The following POLR3B variants were observed in gnomAD, a reference collection of about 807,000 sequenced individuals.
POLR3B encodes RNA polymerase III subunit B, also known as DNA-directed RNA polymerase III subunit RPC2.
A neutral mutation model predicts 147.4 loss-of-function variants in POLR3B; 96 were observed. The ratio of observed to expected loss-of-function variants is 0.65; its 90% CI spans 0.55 to 0.77. The LOEUF (loss-of-function observed/expected upper bound fraction) is 0.77. POLR3B is among the 30% of genes least tolerant of loss of function. The pLI is 0.00. For synonymous variants in POLR3B, 461 were observed against 485.9 expected (o/e 0.95, Z 0.67); for missense variants, 1,036 against 1,413.5 (o/e 0.73, Z 4.28).
intron 10 of POLR3B, among the ~76,000 whole-genome samples, chr12:106,396,553 G>C (rs2036982758): frequency 6.6e-6 from 1 of 152,126 alleles, no homozygotes; most frequent in African/African-American, 2.4e-5. Context: ...CATGTAAATA[G>C]ATCATTAAAA....
At chr12:106,454,365 T>C (rs1046365612) in intron 19 of POLR3B, 137 bp from the exon 20 acceptor site, 4 of 649,022 alleles carry the variant, frequency 6.2e-6, no homozygotes, top group Middle Eastern at 8.2e-4. Context: ...CATGAGAGTA[T>C]TGCTTTTGAA....
At chr12:106,357,999 AG>A in intron 1 of POLR3B, 48 bp downstream of exon 1, 1 of 1,602,294 alleles carries the variant, frequency 6.2e-7, no homozygotes. Flanking sequence ...ATGCGCCCTG[AG>A]GGGGCGTTGC....
At chr12:106,480,854 G>T (rs963030596) in intron 23 of POLR3B, among the ~76,000 whole-genome samples, 2 of 151,536 alleles carry the variant, frequency 1.3e-5, no homozygotes, top group Non-Finnish European at 2.9e-5. Flanking sequence ...CTGAGGGAAT[G>T]ATATGTCGTG....
At chr12:106,497,519 T>C (rs1037106304) in intron 25 of POLR3B, among the ~76,000 whole-genome samples, 3 of 152,208 alleles carry the variant, frequency 2.0e-5, no homozygotes, top group African/African-American at 7.2e-5. Flanking sequence ...TTCTACCCTA[T>C]GCCTACTTTT....
intron 19 of POLR3B, chr12:106,446,268 A>G: frequency 2.2e-6 from 1 of 456,042 alleles, no homozygotes; most frequent in South Asian, 1.5e-5. Flanking sequence ...ACGGAAGACT[A>G]ATCACTTCAT....
At chr12:106,498,591 G>T (rs9705924) in intron 25 of POLR3B, among the ~76,000 whole-genome samples, 36,100 of 146,870 alleles carry the variant, frequency 0.25, 4,888 homozygotes, top group African/African-American at 0.32. Context: ...TGTTTTTTTT[G>T]TTTTTTTGAG....
intron 22 of POLR3B, among the ~76,000 whole-genome samples, chr12:106,462,740 A>G (rs1242095241): frequency 6.6e-6 from 1 of 152,186 alleles, no homozygotes; most frequent in Non-Finnish European, 1.5e-5. Flanking sequence ...AAAATGTGCC[A>G]TCCTAATTCA....
intron 6 of POLR3B, among the ~76,000 whole-genome samples, chr12:106,372,726 G>A (rs1236413862): frequency 6.6e-6 from 1 of 151,926 alleles, no homozygotes; most frequent in Non-Finnish European, 1.5e-5. Context: ...CCTGATATAC[G>A]GGATGTGGCT....
At chr12:106,391,433 G>A (rs2036912927) in intron 9 of POLR3B, among the ~76,000 whole-genome samples, 1 of 149,620 alleles carries the variant, frequency 6.7e-6, no homozygotes, top group South Asian at 2.1e-4. Context: ...ACCTTTTGAA[G>A]GGAGTATCAA....
intron 10 of POLR3B, among the ~76,000 whole-genome samples, chr12:106,396,962 C>T (rs11112972): frequency 0.074 from 11,213 of 151,286 alleles, 533 homozygotes; most frequent in Non-Finnish European, 0.1. Context: ...TTGTTGTTGT[C>T]GTTGTTTTAA....
At chr12:106,424,523 A>C (rs2136951127) in intron 12 of POLR3B, among the ~76,000 whole-genome samples, 1 of 152,296 alleles carries the variant, frequency 6.6e-6, no homozygotes, top group South Asian at 2.1e-4. Context: ...TCCATTTATT[A>C]GCTGGAATTT....
intron 12 of POLR3B, among the ~76,000 whole-genome samples, chr12:106,424,390 T>A (rs915839046): frequency 6.6e-6 from 1 of 152,164 alleles, no homozygotes; most frequent in Non-Finnish European, 1.5e-5. Context: ...ATTCATCCAT[T>A]ATTAAGTTCC....
intron 9 of POLR3B, among the ~76,000 whole-genome samples, chr12:106,384,492 G>A (rs1234942551): frequency 6.6e-6 from 1 of 152,164 alleles, no homozygotes; most frequent in Non-Finnish European, 1.5e-5. Flanking sequence ...ACACAGAGTG[G>A]TAAAAACTTA....
intron 23 of POLR3B, among the ~76,000 whole-genome samples, chr12:106,469,799 G>C (rs1401027742): frequency 6.6e-6 from 1 of 152,208 alleles, no homozygotes; most frequent in Non-Finnish European, 1.5e-5. Context: ...CTGGCTTGTA[G>C]GGTTTCTGCA....
chr12:106,458,595 C>T (rs2037894260), intron 21 of POLR3B, among the ~76,000 whole-genome samples: 2 of 152,138 alleles, frequency 1.3e-5, no homozygotes, highest in Non-Finnish European at 2.9e-5. Flanking sequence ...ATCCACATGA[C>T]TTTGTCATGG....
chr12:106,446,242 A>C, intron 19 of POLR3B: 1 of 455,950 alleles, frequency 2.2e-6, no homozygotes, highest in Non-Finnish European at 4.4e-6. Context: ...TTTGTGTAGA[A>C]CCTTCAGCAG....
At chr12:106,483,537 T>C (rs1259144985) in intron 23 of POLR3B, among the ~76,000 whole-genome samples, 1 of 151,988 alleles carries the variant, frequency 6.6e-6, no homozygotes, top group Non-Finnish European at 1.5e-5. Flanking sequence ...AATATAGAGG[T>C]TTAGAGTTTA....
At chr12:106,441,349 A>T (rs985327124) in intron 18 of POLR3B, among the ~76,000 whole-genome samples, 1 of 152,046 alleles carries the variant, frequency 6.6e-6, no homozygotes, top group Non-Finnish European at 1.5e-5. Flanking sequence ...ACAAACCTAG[A>T]TGGTGTCTGT....
intron 11 of POLR3B, among the ~76,000 whole-genome samples, chr12:106,406,249 A>G (rs2037149552): frequency 6.6e-6 from 1 of 152,214 alleles, no homozygotes. Flanking sequence ...ATACATTAGT[A>G]CTGCTACTAG....
Sources: allele counts gnomAD v4.1 joint callset (sites outside exome capture counted in the v4.1 genomes callset), GRCh38; gene constraint gnomAD v4.1.1; transcripts MANE v1.5; gene names NCBI Gene and HGNC (gene_info 2026-07-23, HGNC 2026-07-21).